TESMIN: variants seen among roughly 807,000 people sequenced by gnomAD.
TESMIN encodes the protein CXC domain containing 2.
In TESMIN, 34 loss-of-function variants were observed where a neutral mutation model predicts 47.4. The observed-to-expected ratio is 0.72, with a 90% confidence interval of 0.55 to 0.96. TESMIN has a LOEUF of 0.96. Ranked by LOEUF, TESMIN falls within the 40% of genes least tolerant of loss-of-function variation. The pLI, the probability that TESMIN is intolerant of heterozygous loss-of-function variation, is 0.00. For synonymous variants in TESMIN, 278 were observed against 258.9 expected (o/e 1.07, Z -0.71); for missense variants, 610 against 637.2 (o/e 0.96, Z 0.46).
At chr11:68,709,752 G>T (rs765196993) in intron 9 of TESMIN, among the ~76,000 whole-genome samples, 2 of 151,964 alleles carry the variant, frequency 1.3e-5, no homozygotes, top group Non-Finnish European at 2.9e-5. Flanking sequence ...TGCAAGACGA[G>T]GCTCCAATGT....
In TESMIN at chr11:68,747,265, C is replaced by T. The variant is rs148924130; in HGVS notation, c.573G>A (p.Ser191=). ...LAQESCCKFP[S]SQELEDASCC... The stretch of plus-strand genomic sequence containing the variant: ...AGGAGGCATCCTCTAGTTCCTGGGA[C>T]GATGGGAACTTGCAACAGGATTCCT... The change falls in exon 3 of 10, where the codon TCG becomes TCA. Residue 191 remains serine (S), a synonymous_variant. Coordinates refer to ENST00000255087, the MANE Select transcript of TESMIN (RefSeq NM_004923.3). 1.1e-4 allele frequency: 171 copies of T among 1,614,022 alleles called. 2 individuals carry two copies. The African/African-American group carries it at 1.9e-3, about 18-fold the overall frequency.
chr11:68,738,460 A>C, intron 6 of TESMIN: 1 of 1,309,106 alleles, frequency 7.6e-7, no homozygotes. Context: ...GACAGCGGAC[A>C]GGAGGACAGG....
At chr11:68,713,593 T>C (rs1946098822) in intron 7 of TESMIN, among the ~76,000 whole-genome samples, 186 bp from the exon 8 acceptor site, 1 of 152,204 alleles carries the variant, frequency 6.6e-6, no homozygotes, top group South Asian at 2.1e-4. Flanking sequence ...CAAAAAGATA[T>C]ATTGTAGCTA....
At chr11:68,733,599 G>A (rs545646536) in intron 6 of TESMIN, 1 of 152,288 alleles carries the variant, frequency 6.6e-6, no homozygotes, top group South Asian at 2.1e-4. Flanking sequence ...TCCACTTACT[G>A]ACTTCTAAGT....
At chr11:68,737,271 C>G in intron 6 of TESMIN, 6 of 985,532 alleles carry the variant, frequency 6.1e-6, no homozygotes, top group Non-Finnish European at 7.2e-6. Flanking sequence ...GGCCCACAGT[C>G]TTATTCTGTC....
chr11:68,736,934 C>A (rs1043804729), intron 6 of TESMIN: 1 of 985,352 alleles, frequency 1.0e-6, no homozygotes, highest in African/African-American at 1.7e-5. Context: ...TCGGCTGCAA[C>A]ACATAGAAGC....
intron 6 of TESMIN, chr11:68,736,216 C>T (rs1385505967): frequency 2.9e-5 from 29 of 985,184 alleles, no homozygotes; most frequent in Non-Finnish European, 3.5e-5. Flanking sequence ...ACATTTATTA[C>T]CAGATTGGTA....
chr11:68,747,593 C>T (rs1946538347), intron 2 of TESMIN, among the ~76,000 whole-genome samples: 1 of 152,166 alleles, frequency 6.6e-6, no homozygotes, highest in African/African-American at 2.4e-5. Context: ...CATTGCATTC[C>T]AGCCCAGCCC....
chr11:68,708,425 G>A lies in TESMIN; in HGVS notation c.1410C>T (p.Ala470=), dbSNP rs751632208. Residue 470 remains alanine, a synonymous_variant, in exon 10 of 10, where the codon GCC becomes GCT. Transcript: ENST00000255087. The part of the protein sequence containing the change: ...CACLLAQGEE[A]EKEHCSKCLA... ...GGCACTTGGAGCAGTGTTCTTTCTC[G>A]GCCTCTTCTCCCTGAGCAAGCAGGC... is the stretch of plus-strand genomic sequence containing the variant. 5.0e-5 allele frequency: 80 copies of A among 1,613,986 alleles called. No homozygotes were observed. The highest frequency in any genetic ancestry group is 6.3e-5 in the Non-Finnish European group (74 of 1,180,022).
At chr11:68,747,546 C>T (rs1946537668) in intron 2 of TESMIN, among the ~76,000 whole-genome samples, 180 bp from the exon 3 acceptor site, 1 of 152,136 alleles carries the variant, frequency 6.6e-6, no homozygotes, top group Admixed American at 6.5e-5. Flanking sequence ...ACTGCTTGAA[C>T]CTGGGAGGCG....
At chr11:68,711,175 CTGTG>C in intron 8 of TESMIN, 126 bp from the exon 9 acceptor site, 3 of 820,826 alleles carry the variant, frequency 3.7e-6, no homozygotes, top group Admixed American at 2.7e-5. Context: ...GTGTGTGTGT[CTGTG>C]TGTGTTGAGT....
intron 9 of TESMIN, among the ~76,000 whole-genome samples, chr11:68,708,782 C>G (rs1183635319): frequency 6.7e-6 from 1 of 148,842 alleles, no homozygotes; most frequent in Non-Finnish European, 1.5e-5. Context: ...GATACTGAGT[C>G]CTGCTCTGTT....
chr11:68,710,791 T>C (rs1946054278), intron 9 of TESMIN, 83 bp downstream of exon 9: 7 of 1,329,756 alleles, frequency 5.3e-6, no homozygotes, highest in Non-Finnish European at 7.2e-6. Context: ...ACACATTCTT[T>C]CCAGTGTATA....
intron 4 of TESMIN, among the ~76,000 whole-genome samples, chr11:68,744,712 T>C (rs1265236024): frequency 6.6e-6 from 1 of 152,332 alleles, no homozygotes; most frequent in South Asian, 2.1e-4. Context: ...ACCAATGCAG[T>C]GTCGGTCTGA....
At chr11:68,728,418 C>T (rs1404042143) in intron 6 of TESMIN, among the ~76,000 whole-genome samples, 1 of 152,184 alleles carries the variant, frequency 6.6e-6, no homozygotes, top group Non-Finnish European at 1.5e-5. Context: ...TGGAAGCTAG[C>T]AGAGGCTGGT....
intron 7 of TESMIN, among the ~76,000 whole-genome samples, chr11:68,714,543 A>T (rs1275365574): frequency 2.6e-5 from 4 of 152,244 alleles, no homozygotes; most frequent in Admixed American, 6.5e-5. Flanking sequence ...GGAATCCCAC[A>T]GCTTGTACTC....
chr11:68,719,327 GAT>G (rs1332364582), intron 6 of TESMIN, among the ~76,000 whole-genome samples: 1 of 152,206 alleles, frequency 6.6e-6, no homozygotes, highest in African/African-American at 2.4e-5. Flanking sequence ...TTCAGGAAAG[GAT>G]AATTCATGAA....
intron 2 of TESMIN, among the ~76,000 whole-genome samples, chr11:68,747,577 C>T (rs144346733): frequency 9.2e-5 from 14 of 152,292 alleles, no homozygotes; most frequent in Non-Finnish European, 1.8e-4. Context: ...TGAGCTGAGA[C>T]AGTGCCATTG....
intron 6 of TESMIN, among the ~76,000 whole-genome samples, chr11:68,716,997 C>T (rs1168511101): frequency 2.0e-5 from 3 of 152,200 alleles, no homozygotes; most frequent in Non-Finnish European, 2.9e-5. Flanking sequence ...GAGTGGGAAT[C>T]GTGGTGCTCA....
Sources: allele counts gnomAD v4.1 joint callset (sites outside exome capture counted in the v4.1 genomes callset), GRCh38; gene constraint gnomAD v4.1.1; transcripts MANE v1.5; gene names NCBI Gene and HGNC (gene_info 2026-07-23, HGNC 2026-07-21).